Variants in DPP4 observed in about 807,000 individuals in gnomAD.
The protein encoded by DPP4 is ADCP-2.
Under a neutral mutation model 122.4 loss-of-function variants are expected in DPP4, and 93 were observed. That is an observed-to-expected ratio of 0.76 (90% CI 0.64 to 0.90). The LOEUF (loss-of-function observed/expected upper bound fraction) is 0.90. Ranked by LOEUF, DPP4 falls within the 40% of genes least tolerant of loss-of-function variation. DPP4 has a pLI of 0.00. For synonymous variants in DPP4, 321 were observed against 302.9 expected (o/e 1.06, Z -0.62); for missense variants, 914 against 907.3 (o/e 1.01, Z -0.09).
chr2:162,000,020 A>G (rs1234962474), intron 23 of DPP4, among the ~76,000 whole-genome samples: 2 of 152,134 alleles, frequency 1.3e-5, no homozygotes, highest in Non-Finnish European at 2.9e-5. Flanking sequence ...TGTTGGCCTA[A>G]CCCCAAAAGC....
In DPP4 at chr2:162,057,081, C is replaced by T. The variant is rs1453088941; in HGVS notation, c.95-9580G>A. ...TCAACAGCACCCATTCCCTAGGTCCCTGCCTGCCAAATCATCCTTAAAAAC... is the reference window on the plus strand; with the variant it reads ...TCAACAGCACCCATTCCCTAGGTCCTTGCCTGCCAAATCATCCTTAAAAAC... On this transcript the variant is annotated intron_variant, in intron 2 of 25. Transcript: ENST00000360534. Among the ~76,000 whole-genome samples the T allele has an allele frequency of 4.3e-3, 657 of 152,304 alleles. 7 individuals carry two copies. Among genetic ancestry groups the T allele is most frequent in the African/African-American group, 0.015 (622 of 41,568 alleles).
rs776245076 is a variant in DPP4 at position 162,020,611 on chromosome 2, T to A, written c.1146A>T (p.Arg382Ser). ...TATCTATTTGGAAATAGCAAATGTG[T>A]CTGTAACCTTCTTCATTGCTGATGA... ...YKIISNEEGY[R>S]HICYFQIDKK... Residue 382 changes from arginine to serine, a missense_variant, in exon 13 of 26, where the codon AGA (arginine) becomes AGT (serine). Arg to Ser is a moderately radical substitution (Grantham distance 110). Transcript: ENST00000360534. 4 of 1,612,232 alleles carry A rather than the reference T, an allele frequency of 2.5e-6. No individual in the cohort carries two copies. In the South Asian group the frequency reaches 3.3e-5, roughly 13 times the overall value.
chr2:162,015,536 G>A (rs1016852516), intron 18 of DPP4, among the ~76,000 whole-genome samples: 1 of 152,116 alleles, frequency 6.6e-6, no homozygotes, highest in Admixed American at 6.5e-5. Flanking sequence ...TTGATGGGAA[G>A]GTGTTTTAGT....
Position 161,993,067 on chromosome 2 carries a change from C to G in DPP4, c.*216G>C. Reference sequence around the variant, plus strand: ...ATGATTTTAAACAATAAAACCCGACCGGATAATTCAAACTTCTGTAAGGTA... The same window carrying G: ...ATGATTTTAAACAATAAAACCCGACGGGATAATTCAAACTTCTGTAAGGTA... On this transcript the variant is annotated 3_prime_UTR_variant, in exon 26 of 26. Coordinates refer to ENST00000360534, the MANE Select transcript of DPP4 (RefSeq NM_001935.4). 4 of 432,398 alleles carry G rather than the reference C, an allele frequency of 9.3e-6. No homozygotes were observed. Among genetic ancestry groups the G allele is most frequent in the Non-Finnish European group, 1.7e-5 (4 of 239,262 alleles). 26.8% of individuals were successfully genotyped at this position (432,398 alleles called of 1,614,324 possible).
At chr2:162,067,355 G>C (rs540127086) in intron 2 of DPP4, among the ~76,000 whole-genome samples, 1 of 152,014 alleles carries the variant, frequency 6.6e-6, no homozygotes, top group South Asian at 2.1e-4. Flanking sequence ...TCAGGGAAGG[G>C]GTGGATGATA....
chr2:162,044,914 T>G (rs548014982), intron 5 of DPP4, among the ~76,000 whole-genome samples: 3 of 152,168 alleles, frequency 2.0e-5, no homozygotes, highest in South Asian at 4.1e-4. Flanking sequence ...CGGAATCTTT[T>G]CTGGAGGATG....
intron 18 of DPP4, among the ~76,000 whole-genome samples, chr2:162,014,924 AT>A (rs1298031724): frequency 2.0e-5 from 3 of 152,118 alleles, no homozygotes. Context: ...CATTTTTGTA[AT>A]TCTTATTGCC....
Position 162,033,623 on chromosome 2 carries a change from A to G in DPP4, c.805T>C (p.Phe269Leu). The G allele has an allele frequency of 6.2e-7, 1 of 1,612,994 alleles. No homozygotes were observed. The highest frequency in any genetic ancestry group is 8.5e-7 in the Non-Finnish European group (1 of 1,179,596). Residue 269 changes from phenylalanine to leucine, a missense_variant, in exon 10 of 26, where the codon TTT becomes CTT. Phe to Leu is a conservative substitution (Grantham distance 22). Coordinates refer to ENST00000360534, the MANE Select transcript of DPP4 (RefSeq NM_001935.4). Reference sequence around the variant, plus strand: ...CTGAGAGAGTCTGTATTTACAACAAAGAACTTTACAGTTGGATTCACAGCT... The same window carrying G: ...CTGAGAGAGTCTGTATTTACAACAAGGAACTTTACAGTTGGATTCACAGCT... ...AGAVNPTVKF[F>L]VVNTDSLSSV... is the part of the protein sequence containing the mutation.
At chr2:162,064,743 C>T (rs965493603) in intron 2 of DPP4, among the ~76,000 whole-genome samples, 4 of 152,132 alleles carry the variant, frequency 2.6e-5, no homozygotes, top group African/African-American at 9.7e-5. Context: ...ATTTTCTCCT[C>T]TTGATCACTT....
rs761590642 is a variant in DPP4, at chr2:162,038,318, A to T, written c.597T>A (p.Thr199=). 1 of 1,586,530 alleles carries T rather than the reference A, an allele frequency of 6.3e-7. No homozygotes were observed. The highest frequency in any genetic ancestry group is 1.2e-5 in the South Asian group (1 of 85,086). Residue 199 remains threonine, a synonymous_variant, in exon 8 of 26, where the codon ACT becomes ACA. Transcript: ENST00000360534. ...AGTTTCTACCTTCATAAACCCAGTC[A>T]GTTATTCCATTATATATTATATCTT... is the stretch of plus-strand genomic sequence containing the variant. ...GKEDIIYNGI[T]DWVYEEEVFS...
intron 16 of DPP4, 151 bp from the exon 17 acceptor site, chr2:162,017,306 TG>T: frequency 3.1e-6 from 2 of 639,594 alleles, no homozygotes; most frequent in Non-Finnish European, 5.3e-6. Context: ...ACATGTTAGC[TG>T]TTTCTCCTCC....
chr2:162,033,080 A>T (rs1683618716), intron 10 of DPP4, among the ~76,000 whole-genome samples: 1 of 152,040 alleles, frequency 6.6e-6, no homozygotes, highest in African/African-American at 2.4e-5. Flanking sequence ...GGGCCTTTGC[A>T]CTTGCTCTTC....
intron 10 of DPP4, among the ~76,000 whole-genome samples, chr2:162,025,867 C>T (rs575996030): frequency 1.1e-4 from 17 of 152,212 alleles, no homozygotes; most frequent in African/African-American, 3.6e-4. Flanking sequence ...GCTGTATCTC[C>T]TCCCCATCCC....
intron 23 of DPP4, among the ~76,000 whole-genome samples, chr2:161,997,370 A>G (rs1701032430): frequency 1.3e-5 from 2 of 152,188 alleles, no homozygotes; most frequent in Admixed American, 6.5e-5. Flanking sequence ...TCATCTAGTC[A>G]ATCAATATTT....
At chr2:162,058,986 C>T (rs544543918) in intron 2 of DPP4, among the ~76,000 whole-genome samples, 14 of 152,292 alleles carry the variant, frequency 9.2e-5, no homozygotes, top group East Asian at 3.9e-4. Context: ...TATCAGCATA[C>T]GACTCCAATA....
At chr2:162,047,635 A>C (rs1483273753) in intron 2 of DPP4, 134 bp from the exon 3 acceptor site, 2 of 533,598 alleles carry the variant, frequency 3.7e-6, no homozygotes, top group Non-Finnish European at 6.5e-6. Context: ...AATGCAAGAC[A>C]CATTTTAAAA....
chr2:162,047,434 T>C lies in DPP4; in HGVS notation c.162A>G (p.Arg54=), dbSNP rs199566230. The C allele has an allele frequency of 6.3e-7, 1 of 1,581,506 alleles. No individual in the cohort carries two copies. Among genetic ancestry groups the C allele is most frequent in the East Asian group, 2.3e-5 (1 of 44,386 alleles). Residue 54 remains arginine, a synonymous_variant, in exon 3 of 26, where the codon AGA becomes AGG. Transcript: ENST00000360534. ...TCCATCTTAAGGAGTATAACTTCAG[T>C]CTATAAGTATTTTTTAAGTAATCAG... ...TLTDYLKNTY[R]LKLYSLRWIS...
chr2:161,995,224 T>G, intron 24 of DPP4, 76 bp downstream of exon 24: 2 of 1,425,616 alleles, frequency 1.4e-6, no homozygotes, highest in African/African-American at 1.4e-5. Flanking sequence ...GTCTTGCCCC[T>G]CATGCTTTTG....
At chr2:162,038,051 A>T (rs1326548039) in intron 8 of DPP4, among the ~76,000 whole-genome samples, 3 of 152,188 alleles carry the variant, frequency 2.0e-5, no homozygotes, top group Non-Finnish European at 4.4e-5. Context: ...CTACACAGAA[A>T]AGCCCTTTGT....
Sources: gnomAD v4.1 joint callset for allele counts (sites outside exome capture counted in the v4.1 genomes callset) on GRCh38, gnomAD v4.1.1 for gene constraint, MANE v1.5 for transcripts, NCBI Gene and HGNC (gene_info 2026-07-23, HGNC 2026-07-21) for gene names.